The following CEACAM16 variants were observed in gnomAD, a reference collection of about 807,000 sequenced individuals.
CEACAM16 encodes cell adhesion molecule CEACAM16.
A neutral mutation model predicts 39.4 loss-of-function variants in CEACAM16; 30 were observed. That is an observed-to-expected ratio of 0.76 (90% CI 0.57 to 1.03). The LOEUF is 1.03. CEACAM16 is among the 50% of genes least tolerant of loss of function. CEACAM16 has a pLI of 0.00. For synonymous variants in CEACAM16, 262 were observed against 264.9 expected (o/e 0.99, Z 0.11); for missense variants, 521 against 585.3 (o/e 0.89, Z 1.13).
intron 1 of CEACAM16, among the ~76,000 whole-genome samples, chr19:44,699,826 A>G (rs74997649): frequency 3.9e-5 from 6 of 152,046 alleles, no homozygotes; most frequent in Non-Finnish European, 8.8e-5. Context: ...TATCATCTCT[A>G]TTTTTTTGTT....
chr19:44,705,533 C>G, intron 4 of CEACAM16, 57 bp from the exon 5 acceptor site: 1 of 1,519,500 alleles, frequency 6.6e-7, no homozygotes, highest in Non-Finnish European at 8.9e-7. Flanking sequence ...CCAGGGGTAC[C>G]AACCTCCACT....
In CEACAM16 at chr19:44,705,185, A is replaced by T. The variant is rs1293079101; in HGVS notation, c.662-405A>T. On this transcript the variant is annotated intron_variant, in intron 4 of 6. Coordinates refer to ENST00000587331, the MANE Select transcript of CEACAM16 (RefSeq NM_001039213.4). Reference sequence around the variant, plus strand: ...TCTTAGAATCTAACCCTGAAATCTTAGTCTAGAATCTTAGAAACATAGATT... The same window carrying T: ...TCTTAGAATCTAACCCTGAAATCTTTGTCTAGAATCTTAGAAACATAGATT... Among the ~76,000 whole-genome samples the T allele has an allele frequency of 5.3e-5, 8 of 152,298 alleles. No individual in the cohort carries two copies. In the East Asian group the frequency reaches 1.5e-3, roughly 29 times the overall value.
At chr19:44,705,457 C>T (rs891821738) in intron 4 of CEACAM16, 133 bp from the exon 5 acceptor site, 2 of 833,466 alleles carry the variant, frequency 2.4e-6, no homozygotes, top group Non-Finnish European at 3.6e-6. Context: ...AGAGTTAAGG[C>T]CAGAGCTTTT....
chr19:44,703,579 G>A lies in CEACAM16; in HGVS notation c.268G>A (p.Asp90Asn), dbSNP rs1443355307. ...CACGGGGCGGGAGGCTGTGCGCCCC[G>A]ATGGCAGCCTGGACATCCAGGGCAT... is the stretch of plus-strand genomic sequence containing the variant. ...AHTGREAVRP[D>N]GSLDIQGILP... The change falls in exon 3 of 7, where the codon GAT becomes AAT. Residue 90 changes from aspartate (D) to asparagine (N), a missense_variant. Transcript: ENST00000587331. The A allele has an allele frequency of 2.5e-6, 4 of 1,610,240 alleles. No individual in the cohort carries two copies. Among genetic ancestry groups the A allele is most frequent in the Non-Finnish European group, 1.7e-6 (2 of 1,178,892 alleles).
Position 44,704,297 on chromosome 19 carries a change from G to C in CEACAM16, c.661+1G>C, listed in dbSNP as rs1398383472. The C allele has an allele frequency of 6.7e-7, 1 of 1,499,134 alleles. No individual in the cohort carries two copies. Among genetic ancestry groups the C allele is most frequent in the African/African-American group, 1.4e-5 (1 of 72,300 alleles). The allele number at this position is 1,499,134 out of a possible 1,614,324, so 92.9% of individuals were successfully genotyped here. ...GAGCCCATCAACCTGACCGTGTACT[G>C]TGAGTCCTCCTGGCCCCACTGGAGA... On this transcript the variant is annotated splice_donor_variant, in intron 4 of 6. Coordinates refer to ENST00000587331, the MANE Select transcript of CEACAM16 (RefSeq NM_001039213.4). LOFTEE classifies it high-confidence loss of function.
intron 1 of CEACAM16, among the ~76,000 whole-genome samples, chr19:44,700,567 G>C (rs2919848): frequency 0.48 from 73,031 of 152,132 alleles, 20,218 homozygotes; most frequent in African/African-American, 0.75. Context: ...GCATGAGCCA[G>C]TGCACCCGGC....
chr19:44,701,577 G>A lies in CEACAM16; in HGVS notation c.37+84G>A, dbSNP rs371271246. ...GGGACCCCCAGTCTGAGAGAGGGAA[G>A]GTGTGAGCAGAAGTCCAGCGTGCTA... is the stretch of plus-strand genomic sequence containing the variant. On this transcript the variant is annotated intron_variant, in intron 2 of 6. Transcript: ENST00000587331. This position sits in a 1 kb window ranked among gnomAD's most constrained non-coding sequence, Gnocchi z 4.0. The A allele has an allele frequency of 1.4e-4, 183 of 1,336,828 alleles. 1 individual carries two copies. The African/African-American group carries it at 2.3e-3, about 17-fold the overall frequency. The allele number at this position is 1,336,828 out of a possible 1,614,324, so 82.8% of individuals were successfully genotyped here.
In CEACAM16 at chr19:44,701,510, C is replaced by T. The variant is rs899612952; in HGVS notation, c.37+17C>T. 5 of 1,557,782 alleles carry T rather than the reference C, an allele frequency of 3.2e-6. No individual in the cohort carries two copies. The highest frequency in any genetic ancestry group is 1.9e-5 in the Admixed American group (1 of 52,384). ...TCCTCAGTGGTGAGCGAGAATGGCACCCCCCAGCACCTCAGCCCCCCGAGG... is the reference window on the plus strand; with the variant it reads ...TCCTCAGTGGTGAGCGAGAATGGCATCCCCCAGCACCTCAGCCCCCCGAGG... On this transcript the variant is annotated intron_variant, in intron 2 of 6. Coordinates refer to ENST00000587331, the MANE Select transcript of CEACAM16 (RefSeq NM_001039213.4). This position sits in a 1 kb window ranked among gnomAD's most constrained non-coding sequence, Gnocchi z 4.0.
chr19:44,704,461 T>G (rs547527090), intron 4 of CEACAM16, among the ~76,000 whole-genome samples, 165 bp downstream of exon 4: 1 of 152,324 alleles, frequency 6.6e-6, no homozygotes, highest in Non-Finnish European at 1.5e-5. Flanking sequence ...CCAGGTGCAG[T>G]GGCTCACGCC....
intron 3 of CEACAM16, 23 bp from the exon 4 acceptor site, chr19:44,703,995 C>G (rs1311333124): frequency 6.4e-7 from 1 of 1,562,040 alleles, no homozygotes; most frequent in Non-Finnish European, 8.7e-7. Flanking sequence ...GGCCCCCTCC[C>G]CCTCTGTCTC....
chr19:44,699,363 T>A, intron 1 of CEACAM16, 103 bp downstream of exon 1: 1 of 504,292 alleles, frequency 2.0e-6, no homozygotes, highest in South Asian at 1.5e-5. Flanking sequence ...AACTGAGGCT[T>A]GGCAGAGTCC....
rs375895764 is a variant in CEACAM16 at position 44,710,511 on chromosome 19, G to A, written c.*5G>A. ...TGCCCCACAGCCCTGGGGTAACAGCGTGACCCTGGAGACGTCCAGAGAGAA... is the reference window on the plus strand; with the variant it reads ...TGCCCCACAGCCCTGGGGTAACAGCATGACCCTGGAGACGTCCAGAGAGAA... On this transcript the variant is annotated 3_prime_UTR_variant, in exon 7 of 7. Transcript: ENST00000587331. 386 of 1,613,530 alleles carry A rather than the reference G, an allele frequency of 2.4e-4. 1 individual carries two copies. The highest frequency in any genetic ancestry group is 3.2e-4 in the Admixed American group (19 of 59,986).
At chr19:44,708,234 C>A in intron 6 of CEACAM16, 47 bp downstream of exon 6, 1 of 1,453,722 alleles carries the variant, frequency 6.9e-7, no homozygotes, top group Non-Finnish European at 9.2e-7. Flanking sequence ...TAGACAAGGG[C>A]TCCCAAAAGG....
intron 3 of CEACAM16, 72 bp downstream of exon 3, chr19:44,703,765 T>A (rs1410129489): frequency 1.4e-4 from 166 of 1,211,376 alleles, no homozygotes; most frequent in African/African-American, 1.1e-4. Flanking sequence ...CTTCTTTTTT[T>A]TAAAAAAAAA....
Position 44,705,709 on chromosome 19 carries a change from G to C in CEACAM16, c.781G>C (p.Glu261Gln). 6.2e-7 allele frequency: 1 copy of C among 1,613,952 alleles called. No individual in the cohort carries two copies. Among genetic ancestry groups the C allele is most frequent in the Non-Finnish European group, 8.5e-7 (1 of 1,179,856 alleles). ...CGTGTCCAGGTCCTGCCCAGAGCCC[G>C]AGTATGTGTGGACCTTCAACGGGCA... ...WCVSRSCPEP[E>Q]YVWTFNGQAL... The change falls in exon 5 of 7, where the codon GAG becomes CAG. Residue 261 changes from glutamate (E) to glutamine (Q), a missense_variant. By Grantham distance (29) the Glu-to-Gln change is conservative. Transcript: ENST00000587331.
Position 44,704,272 on chromosome 19 carries a change from G to T in CEACAM16, c.637G>T (p.Glu213Ter). ...GAACCCGGTCAGTGTCAGCCGCAGC[G>T]AGCCCATCAACCTGACCGTGTACTG... ...VWNPVSVSRS[E>*]PINLTVYFGP... The change falls in exon 4 of 7, where the codon GAG becomes TAG. Residue 213 changes from glutamate to a stop codon, truncating the protein, a stop_gained. Transcript: ENST00000587331. LOFTEE classifies it high-confidence loss of function. The T allele has an allele frequency of 6.6e-7, 1 of 1,526,440 alleles. No homozygotes were observed. The allele number at this position is 1,526,440 out of a possible 1,614,324, so 94.6% of individuals were successfully genotyped here. A position where few individuals can be genotyped will look rare whatever the true frequency, so the allele number is the denominator to read the frequency against.
At chr19:44,702,924 G>T (rs1974372220) in intron 2 of CEACAM16, among the ~76,000 whole-genome samples, 1 of 152,226 alleles carries the variant, frequency 6.6e-6, no homozygotes, top group African/African-American at 2.4e-5. Context: ...CAGTCCATCA[G>T]ACCCAATCCT....
At chr19:44,702,917 T>G (rs1437369989) in intron 2 of CEACAM16, among the ~76,000 whole-genome samples, 1 of 152,218 alleles carries the variant, frequency 6.6e-6, no homozygotes, top group African/African-American at 2.4e-5. Context: ...CTTGGCACAG[T>G]CCATCAGACC....
chr19:44,700,495 T>C (rs916859723), intron 1 of CEACAM16, among the ~76,000 whole-genome samples: 9 of 152,138 alleles, frequency 5.9e-5, no homozygotes, highest in Admixed American at 5.2e-4. Context: ...GCCAGGCTGA[T>C]CTCGAACTCC....
Sources: allele counts gnomAD v4.1 joint callset (sites outside exome capture counted in the v4.1 genomes callset), GRCh38; gene constraint gnomAD v4.1.1; non-coding constraint Gnocchi (gnomAD v3.1); transcripts MANE v1.5; gene names NCBI Gene and HGNC (gene_info 2026-07-23, HGNC 2026-07-21).